KCNH7: variants seen among roughly 807,000 people sequenced by gnomAD.
The protein encoded by KCNH7 is voltage-gated inwardly rectifying potassium channel KCNH7.
Under a neutral mutation model 120.8 loss-of-function variants are expected in KCNH7, and 49 were observed. The ratio of observed to expected loss-of-function variants is 0.41; its 90% CI spans 0.32 to 0.51. KCNH7 has a LOEUF of 0.51. KCNH7 is among the 20% of genes least tolerant of loss of function. The probability of loss-of-function intolerance (pLI) is 0.38; values close to 1 mark genes in which losing one functional copy is unlikely to be tolerated. For synonymous variants in KCNH7, 547 were observed against 516.1 expected, an observed-to-expected ratio of 1.06 and a Z score of -0.81; for missense variants, 1,097 against 1,446.6, an observed-to-expected ratio of 0.76 and a Z score of 3.92.
chr2:162,705,851 A>G (rs551956210), intron 2 of KCNH7, among the ~76,000 whole-genome samples: 2 of 152,186 alleles, frequency 1.3e-5, no homozygotes, highest in Non-Finnish European at 2.9e-5. Flanking sequence ...GACCAAAAAA[A>G]TGACTTAAAA....
intron 2 of KCNH7, among the ~76,000 whole-genome samples, chr2:162,814,542 T>G (rs544696211): frequency 6.6e-6 from 1 of 152,314 alleles, no homozygotes; most frequent in African/African-American, 2.4e-5. Flanking sequence ...TTCATCTGTG[T>G]AACTGTCAAT....
chr2:162,663,507 T>C (rs1437772492), intron 2 of KCNH7, among the ~76,000 whole-genome samples: 1 of 152,144 alleles, frequency 6.6e-6, no homozygotes, highest in African/African-American at 2.4e-5. Context: ...ATCACTAAAT[T>C]CTCCTTTTTC....
intron 2 of KCNH7, among the ~76,000 whole-genome samples, chr2:162,724,658 C>A (rs1030570312): frequency 7.7e-6 from 1 of 130,320 alleles, no homozygotes; most frequent in African/African-American, 3.4e-5. Flanking sequence ...GGCGACAGAG[C>A]GAGACTCCGT....
chr2:162,456,578 G>A (rs781282362), intron 6 of KCNH7, among the ~76,000 whole-genome samples: 3 of 151,828 alleles, frequency 2.0e-5, no homozygotes, highest in Non-Finnish European at 4.4e-5. Flanking sequence ...TTTGTGTCTC[G>A]ATCTGTCTAA....
chr2:162,484,937 A>C (rs1394570552), intron 6 of KCNH7, among the ~76,000 whole-genome samples: 4 of 152,150 alleles, frequency 2.6e-5, no homozygotes, highest in Non-Finnish European at 4.4e-5. Flanking sequence ...CTTTCCAGCC[A>C]TCCAGAATCA....
At chr2:162,519,622 A>G (rs1456808897) in intron 3 of KCNH7, among the ~76,000 whole-genome samples, 1 of 151,846 alleles carries the variant, frequency 6.6e-6, no homozygotes, top group African/African-American at 2.4e-5. Flanking sequence ...AAAACATAGG[A>G]GAAAGTATCC....
At chr2:162,377,462 A>G (rs183376720) in intron 14 of KCNH7, among the ~76,000 whole-genome samples, 2 of 152,206 alleles carry the variant, frequency 1.3e-5, no homozygotes, top group Non-Finnish European at 2.9e-5. Context: ...GTAAAGGTGG[A>G]GATTTTTAAA....
intron 2 of KCNH7, among the ~76,000 whole-genome samples, chr2:162,543,858 T>C (rs952554549): frequency 4.6e-5 from 7 of 152,146 alleles, no homozygotes; most frequent in Non-Finnish European, 7.4e-5. Flanking sequence ...ATAAAAGATG[T>C]TAGCAATAAG....
intron 2 of KCNH7, among the ~76,000 whole-genome samples, chr2:162,658,846 C>G (rs1462119880): frequency 6.6e-6 from 1 of 152,108 alleles, no homozygotes; most frequent in Non-Finnish European, 1.5e-5. Flanking sequence ...ACTATAATTG[C>G]TTATTAGTTC....
chr2:162,545,313 T>C (rs914472452), intron 2 of KCNH7, among the ~76,000 whole-genome samples: 1 of 152,206 alleles, frequency 6.6e-6, no homozygotes, highest in African/African-American at 2.4e-5. Flanking sequence ...TATTTGACTC[T>C]GAAGTCCTAT....
At chr2:162,708,267 C>G (rs1686789892) in intron 2 of KCNH7, among the ~76,000 whole-genome samples, 1 of 152,002 alleles carries the variant, frequency 6.6e-6, no homozygotes, top group Non-Finnish European at 1.5e-5. Flanking sequence ...GAATGAAAGA[C>G]TTGAGACAGC....
intron 6 of KCNH7, among the ~76,000 whole-genome samples, chr2:162,492,974 A>G (rs1164632722): frequency 1.4e-5 from 2 of 144,322 alleles, no homozygotes; most frequent in African/African-American, 5.1e-5. Context: ...CAGAGGCCCT[A>G]AGATAACTTC....
chr2:162,718,137 G>A (rs1309517631), intron 2 of KCNH7, among the ~76,000 whole-genome samples: 1 of 151,560 alleles, frequency 6.6e-6, no homozygotes, highest in South Asian at 2.1e-4. Context: ...TGTGATTTTA[G>A]TTGATCTCTT....
chr2:162,644,012 C>T (rs1328586058), intron 2 of KCNH7, among the ~76,000 whole-genome samples: 2 of 151,922 alleles, frequency 1.3e-5, no homozygotes, highest in Admixed American at 1.3e-4. Context: ...CTTGGAGTCA[C>T]CACCATACTG....
At chr2:162,670,095 C>G (rs868379440) in intron 2 of KCNH7, among the ~76,000 whole-genome samples, 1 of 147,278 alleles carries the variant, frequency 6.8e-6, no homozygotes, top group Admixed American at 6.7e-5. Context: ...GAGCGAAACT[C>G]GGTCTCAAAC....
chr2:162,601,776 C>T (rs1694566294), intron 2 of KCNH7, among the ~76,000 whole-genome samples: 1 of 151,984 alleles, frequency 6.6e-6, no homozygotes, highest in South Asian at 2.1e-4. Flanking sequence ...ATGGACTGCA[C>T]TTAATTTTTC....
intron 8 of KCNH7, 139 bp from the exon 9 acceptor site, chr2:162,423,674 TAAACTA>T (rs373706481): frequency 1.3e-6 from 1 of 747,596 alleles, no homozygotes; most frequent in African/African-American, 1.8e-5. Context: ...AAAAAGAAGT[TAAACTA>T]AAACTGCTTT....
At chr2:162,748,148 A>G (rs1688378620) in intron 2 of KCNH7, among the ~76,000 whole-genome samples, 1 of 152,222 alleles carries the variant, frequency 6.6e-6, no homozygotes, top group Non-Finnish European at 1.5e-5. Context: ...GGAAAGGCAA[A>G]TACTCTTGGG....
intron 9 of KCNH7, among the ~76,000 whole-genome samples, chr2:162,407,955 C>T (rs1056916386): frequency 1.3e-5 from 2 of 151,988 alleles, no homozygotes; most frequent in African/African-American, 4.8e-5. Flanking sequence ...TATCACGTAT[C>T]GTATTTTAGC....
Sources: gnomAD v4.1 joint callset for allele counts (sites outside exome capture counted in the v4.1 genomes callset) on GRCh38, gnomAD v4.1.1 for gene constraint, MANE v1.5 for transcripts, NCBI Gene and HGNC (gene_info 2026-07-23, HGNC 2026-07-21) for gene names.